The following SHISA6 variants were observed in gnomAD, a reference collection of about 807,000 sequenced individuals.
SHISA6 encodes the protein protein shisa-6.
SHISA6 carries 22 observed loss-of-function variants against 47.9 expected under a neutral mutation model. The observed-to-expected ratio is 0.46, with a 90% CI of 0.33 to 0.66. SHISA6 has a LOEUF of 0.66. Ranked by LOEUF, SHISA6 falls within the 30% of genes least tolerant of loss-of-function variation. SHISA6 has a pLI of 0.02. For missense variants in SHISA6, 680 were observed against 764.6 expected (o/e 0.89, Z 1.30); for synonymous variants, 388 against 337.8 (o/e 1.15, Z -1.63).
At chr17:11,519,943 C>G (rs1241003461) in intron 3 of SHISA6, among the ~76,000 whole-genome samples, 1 of 152,170 alleles carries the variant, frequency 6.6e-6, no homozygotes, top group Non-Finnish European at 1.5e-5. Flanking sequence ...CTGCTCTCCT[C>G]TGTCATTGGC....
intron 3 of SHISA6, among the ~76,000 whole-genome samples, chr17:11,488,033 C>G (rs1470624120): frequency 2.0e-5 from 3 of 152,202 alleles, no homozygotes; most frequent in Non-Finnish European, 2.9e-5. Flanking sequence ...GGTTCAGGAG[C>G]AGTGGGATGA....
chr17:11,537,051 G>A (rs2071793945), intron 3 of SHISA6, among the ~76,000 whole-genome samples: 1 of 151,326 alleles, frequency 6.6e-6, no homozygotes, highest in African/African-American at 2.4e-5. Flanking sequence ...TCTGGCAGAA[G>A]ACACATTGTT....
In SHISA6 at chr17:11,559,176, G is replaced by C. The variant is rs1400503179; in HGVS notation, c.*872G>C. The stretch of plus-strand genomic sequence containing the variant: ...TAGCAATGGGGTGCTGGCCCTCCCA[G>C]ACACCCGATCATCTCCGCACTCCCT... On this transcript the variant is annotated 3_prime_UTR_variant, in exon 6 of 6. Transcript: ENST00000441885. This position sits in a 1 kb window ranked among gnomAD's most constrained non-coding sequence, Gnocchi z 4.4. 1 of 152,624 alleles carries C rather than the reference G, an allele frequency of 6.6e-6. No homozygotes were observed. Among genetic ancestry groups the C allele is most frequent in the Non-Finnish European group, 1.5e-5 (1 of 68,348 alleles). The allele number at this position is 152,624 out of a possible 1,614,324, so 9.5% of individuals were successfully genotyped here.
At chr17:11,390,396 T>C (rs1027988476) in intron 3 of SHISA6, among the ~76,000 whole-genome samples, 3 of 152,264 alleles carry the variant, frequency 2.0e-5, no homozygotes, top group Admixed American at 2.0e-4. Flanking sequence ...TAGCCCTTCA[T>C]GTTGTTGGAG....
rs76362587 is a variant in SHISA6, at chr17:11,329,650, T to C, written c.800-49764T>C. 3.9e-3 allele frequency among the ~76,000 whole-genome samples: 598 copies of C among 152,188 alleles called. 4 individuals carry two copies. Among genetic ancestry groups the C allele is most frequent in the African/African-American group, 0.014 (564 of 41,514 alleles). On this transcript the variant is annotated intron_variant, in intron 2 of 5. Transcript: ENST00000441885. ...TTTGGAAGAGCCTTGGGAACAAATATACTGGGCATTACAGCTTTCCTTATG... is the reference window on the plus strand; with the variant it reads ...TTTGGAAGAGCCTTGGGAACAAATACACTGGGCATTACAGCTTTCCTTATG...
chr17:11,500,151 T>C (rs1212007371), intron 3 of SHISA6, among the ~76,000 whole-genome samples: 1 of 152,212 alleles, frequency 6.6e-6, no homozygotes, highest in Non-Finnish European at 1.5e-5. Context: ...CAAGGGAATC[T>C]GACCTCCTGC....
chr17:11,465,153 C>T (rs1037353911), intron 3 of SHISA6, among the ~76,000 whole-genome samples: 3 of 152,224 alleles, frequency 2.0e-5, no homozygotes, highest in Non-Finnish European at 2.9e-5. Context: ...CAACAACCCA[C>T]TTGCTGCATT....
intron 2 of SHISA6, among the ~76,000 whole-genome samples, chr17:11,357,496 C>T (rs1912117527): frequency 1.3e-5 from 2 of 152,150 alleles, no homozygotes; most frequent in Non-Finnish European, 2.9e-5. Context: ...GATGTGTCTC[C>T]TCCTCCCCTT....
chr17:11,341,316 TTC>T (rs200611442), intron 2 of SHISA6, among the ~76,000 whole-genome samples: 4 of 147,844 alleles, frequency 2.7e-5, no homozygotes, highest in South Asian at 2.1e-4. Flanking sequence ...ATCCCATTCT[TTC>T]TCTCTCTCTC....
intron 2 of SHISA6, among the ~76,000 whole-genome samples, chr17:11,272,251 C>T (rs1028979395): frequency 6.6e-6 from 1 of 152,178 alleles, no homozygotes; most frequent in Non-Finnish European, 1.5e-5. Context: ...CTATAGCTCC[C>T]CAGCCATGCT....
intron 3 of SHISA6, among the ~76,000 whole-genome samples, chr17:11,500,722 GT>G (rs2071445439): frequency 6.6e-6 from 1 of 152,182 alleles, no homozygotes; most frequent in Admixed American, 6.5e-5. Flanking sequence ...CATTTTCTGA[GT>G]TGCATCAGCC....
intron 3 of SHISA6, among the ~76,000 whole-genome samples, chr17:11,503,790 T>C (rs1224791132): frequency 6.6e-6 from 1 of 152,238 alleles, no homozygotes; most frequent in African/African-American, 2.4e-5. Flanking sequence ...CATATAGGAA[T>C]GTATACCAGA....
At chr17:11,494,562 T>C (rs2071392431) in intron 3 of SHISA6, among the ~76,000 whole-genome samples, 2 of 152,210 alleles carry the variant, frequency 1.3e-5, no homozygotes, top group African/African-American at 4.8e-5. Context: ...GCATTAGAAC[T>C]CCTAGGGTTA....
chr17:11,314,942 G>A (rs1296293602), intron 2 of SHISA6, among the ~76,000 whole-genome samples: 1 of 152,140 alleles, frequency 6.6e-6, no homozygotes, highest in Non-Finnish European at 1.5e-5. Context: ...GGTTGTTCAT[G>A]TGCATCCACT....
At chr17:11,268,741 T>C (rs2142150572) in intron 2 of SHISA6, among the ~76,000 whole-genome samples, 1 of 152,306 alleles carries the variant, frequency 6.6e-6, no homozygotes, top group Non-Finnish European at 1.5e-5. Flanking sequence ...CTTCCTATCA[T>C]TGTGGTATCC....
intron 2 of SHISA6, among the ~76,000 whole-genome samples, chr17:11,365,872 T>A (rs1412011634): frequency 6.6e-6 from 1 of 152,188 alleles, no homozygotes; most frequent in African/African-American, 2.4e-5. Context: ...GAGCCTACAA[T>A]AGATTGGGTG....
At chr17:11,361,512 G>GT (rs1253336465) in intron 2 of SHISA6, among the ~76,000 whole-genome samples, 1 of 152,196 alleles carries the variant, frequency 6.6e-6, no homozygotes, top group African/African-American at 2.4e-5. Flanking sequence ...TCCGTGGACT[G>GT]TAACTCCAAG....
intron 3 of SHISA6, among the ~76,000 whole-genome samples, chr17:11,490,781 C>G (rs980116572): frequency 1.3e-5 from 2 of 152,186 alleles, no homozygotes; most frequent in African/African-American, 4.8e-5. Context: ...AAAGGAGTCC[C>G]TGTATGGGGC....
chr17:11,388,116 G>A (rs544653784), intron 3 of SHISA6, among the ~76,000 whole-genome samples: 18 of 152,190 alleles, frequency 1.2e-4, no homozygotes, highest in Admixed American at 9.2e-4. Context: ...GGAGATGTCT[G>A]AGGCATTTGA....
Sources: allele counts gnomAD v4.1 joint callset (sites outside exome capture counted in the v4.1 genomes callset), GRCh38; gene constraint gnomAD v4.1.1; non-coding constraint Gnocchi (gnomAD v3.1); transcripts MANE v1.5; gene names NCBI Gene and HGNC (gene_info 2026-07-23, HGNC 2026-07-21).